Variants in MSRA observed in about 807,000 individuals in gnomAD.
MSRA encodes the protein mitochondrial peptide methionine sulfoxide reductase.
In MSRA, 54 loss-of-function variants were observed where a neutral mutation model predicts 31.3. The observed-to-expected ratio is 1.73, with a 90% CI of 1.39 to 2.17. The LOEUF (loss-of-function observed/expected upper bound fraction) is 2.17, where lower values mean the gene tolerates loss of function less well. Ranked by LOEUF, MSRA falls within the 30% of genes most tolerant of loss-of-function variation. MSRA has a pLI of 0.00. For missense variants in MSRA, 507 were observed against 300.9 expected (o/e 1.69, Z -5.07); for synonymous variants, 169 against 116.5 (o/e 1.45, Z -2.90).
intron 5 of MSRA, chr8:10,326,696 A>T (rs933597399): frequency 1.3e-5 from 2 of 151,784 alleles, no homozygotes; most frequent in African/African-American, 4.8e-5. Context: ...AGCCTCATTA[A>T]AAAAAAAATT....
intron 1 of MSRA, among the ~76,000 whole-genome samples, chr8:10,086,019 A>T (rs1228762168): frequency 6.6e-6 from 1 of 152,158 alleles, no homozygotes; most frequent in East Asian, 1.9e-4. Context: ...TTCTTCCATG[A>T]ATGTACAGGT....
At chr8:10,252,243 G>C (rs532893025) in intron 3 of MSRA, among the ~76,000 whole-genome samples, 1 of 152,176 alleles carries the variant, frequency 6.6e-6, no homozygotes, top group Non-Finnish European at 1.5e-5. Flanking sequence ...TCAGATCACA[G>C]TGTGACTAGA....
Position 10,214,872 on chromosome 8 carries a change from CT to C in MSRA, c.211+6973del, listed in dbSNP as rs1284788100. Among the ~76,000 whole-genome samples the C allele has an allele frequency of 3.3e-5, 5 of 152,246 alleles. No individual in the cohort carries two copies. In the East Asian group the frequency reaches 9.7e-4, roughly 29 times the overall value. ...GCATGATTTCAACTTTCGTTTTCTT[CT>C]TGAGTGTAGAGAAGTCAGATAATAT... On this transcript the variant is annotated intron_variant, in intron 2 of 5. Transcript: ENST00000317173.
At chr8:10,338,755 TA>T in intron 5 of MSRA, among the ~76,000 whole-genome samples, 1 of 152,324 alleles carries the variant, frequency 6.6e-6, no homozygotes, top group Middle Eastern at 3.4e-3. Flanking sequence ...AAAGCCCCTT[TA>T]ATGGACTTTT....
chr8:10,310,233 A>G (rs1801362206), intron 4 of MSRA, among the ~76,000 whole-genome samples: 1 of 152,252 alleles, frequency 6.6e-6, no homozygotes, highest in African/African-American at 2.4e-5. Flanking sequence ...TTGGAAGAAC[A>G]GCTGCACACA....
At chr8:10,274,615 A>AGCCTACCC (rs1799222354) in intron 3 of MSRA, among the ~76,000 whole-genome samples, 1 of 152,198 alleles carries the variant, frequency 6.6e-6, no homozygotes, top group Non-Finnish European at 1.5e-5. Context: ...TATAGAGGTC[A>AGCCTACCC]GCCTACCCAT....
At chr8:10,305,445 G>A (rs1446242983) in intron 4 of MSRA, among the ~76,000 whole-genome samples, 1 of 125,390 alleles carries the variant, frequency 8.0e-6, no homozygotes, top group East Asian at 2.3e-4. Context: ...ATGGAGTCTT[G>A]CTCTGTTGCC....
intron 1 of MSRA, among the ~76,000 whole-genome samples, chr8:10,072,678 A>T (rs763350908): frequency 1.6e-4 from 24 of 152,238 alleles, no homozygotes; most frequent in Non-Finnish European, 2.9e-4. Flanking sequence ...TAGGAATTGC[A>T]TTTAGGGACA....
intron 1 of MSRA, among the ~76,000 whole-genome samples, chr8:10,164,302 C>T (rs1238860952): frequency 6.6e-6 from 1 of 152,154 alleles, no homozygotes; most frequent in Non-Finnish European, 1.5e-5. Flanking sequence ...TCCTGTAAAT[C>T]CTTCCTAGGT....
At chr8:10,241,225 T>A (rs1471858109) in intron 2 of MSRA, among the ~76,000 whole-genome samples, 3 of 152,076 alleles carry the variant, frequency 2.0e-5, no homozygotes, top group Non-Finnish European at 4.4e-5. Flanking sequence ...AAACTAGGCT[T>A]CTTGGTGAAA....
At chr8:10,066,270 A>G (rs1797451033) in intron 1 of MSRA, among the ~76,000 whole-genome samples, 1 of 152,108 alleles carries the variant, frequency 6.6e-6, no homozygotes, top group Non-Finnish European at 1.5e-5. Context: ...TACAGGCGTG[A>G]GCCCCTCTGC....
intron 5 of MSRA, among the ~76,000 whole-genome samples, chr8:10,393,818 C>T (rs915668153): frequency 6.6e-6 from 1 of 152,210 alleles, no homozygotes; most frequent in Non-Finnish European, 1.5e-5. Flanking sequence ...TTGTGACTAT[C>T]CCCTGTGCAC....
At chr8:10,401,702 T>C (rs554148020) in intron 5 of MSRA, among the ~76,000 whole-genome samples, 71 of 152,208 alleles carry the variant, frequency 4.7e-4, no homozygotes, top group African/African-American at 1.5e-3. Context: ...ATGTGACTTA[T>C]AGATACGCAA....
intron 1 of MSRA, among the ~76,000 whole-genome samples, chr8:10,072,175 A>G (rs1242784459): frequency 1.3e-5 from 2 of 152,164 alleles, no homozygotes; most frequent in African/African-American, 2.4e-5. Context: ...TATTCCACAC[A>G]AGGCATAAGC....
intron 1 of MSRA, among the ~76,000 whole-genome samples, chr8:10,068,885 A>T (rs184650773): frequency 4.5e-4 from 69 of 152,348 alleles, no homozygotes; most frequent in African/African-American, 1.6e-3. Flanking sequence ...AAGAACTGAC[A>T]TCTTGAAAAT....
chr8:10,146,610 G>A (rs1041950760), intron 1 of MSRA, among the ~76,000 whole-genome samples: 13 of 152,230 alleles, frequency 8.5e-5, no homozygotes, highest in African/African-American at 1.2e-4. Flanking sequence ...ATGTGGCGGC[G>A]GTTGTACAAC....
chr8:10,251,258 G>T (rs999194967), intron 3 of MSRA, among the ~76,000 whole-genome samples: 1 of 151,822 alleles, frequency 6.6e-6, no homozygotes, highest in East Asian at 1.9e-4. Flanking sequence ...GGGTGGAAGC[G>T]CATGTCTATG....
At chr8:10,352,525 G>A (rs902400685) in intron 5 of MSRA, among the ~76,000 whole-genome samples, 9 of 152,118 alleles carry the variant, frequency 5.9e-5, no homozygotes, top group Admixed American at 1.3e-4. Flanking sequence ...AGAATGATCC[G>A]AGGAGCCAGC....
chr8:10,075,101 A>G (rs1797937932), intron 1 of MSRA, among the ~76,000 whole-genome samples: 1 of 152,142 alleles, frequency 6.6e-6, no homozygotes, highest in Admixed American at 6.5e-5. Context: ...AAGACTTCAT[A>G]TATTGTCTTT....
Sources: allele counts gnomAD v4.1 joint callset (sites outside exome capture counted in the v4.1 genomes callset), GRCh38; gene constraint gnomAD v4.1.1; transcripts MANE v1.5; gene names NCBI Gene and HGNC (gene_info 2026-07-23, HGNC 2026-07-21).